ZBTB44: variants seen among roughly 807,000 people sequenced by gnomAD.
The protein encoded by ZBTB44 is zinc finger and BTB domain-containing protein 44.
In ZBTB44, 15 loss-of-function variants were observed where a neutral mutation model predicts 54.0. The observed-to-expected ratio is 0.28, with a 90% CI of 0.19 to 0.43. The LOEUF (loss-of-function observed/expected upper bound fraction) is 0.43. Ranked by LOEUF, ZBTB44 falls within the 20% of genes least tolerant of loss-of-function variation. The pLI is 1.00. For synonymous variants in ZBTB44, 230 were observed against 250.1 expected (o/e 0.92, Z 0.76); for missense variants, 487 against 707.1 (o/e 0.69, Z 3.53).
chr11:130,265,710 A>C lies in ZBTB44; in HGVS notation c.-56-3781T>G, dbSNP rs562896578. On this transcript the variant is annotated intron_variant, in intron 1 of 7. Coordinates refer to ENST00000357899, the MANE Select transcript of ZBTB44 (RefSeq NM_001301098.2). ...TGCAGAAAGTTTGCCTGGTGTGCAC[A>C]GAAGATGAAACCAACCACAATATTC... Among the ~76,000 whole-genome samples, 132 of 152,356 alleles carry C rather than the reference A, an allele frequency of 8.7e-4. No individual in the cohort carries two copies. In the Middle Eastern group the frequency reaches 0.01, roughly 12 times the overall value.
intron 1 of ZBTB44, among the ~76,000 whole-genome samples, chr11:130,276,563 T>C (rs956285244): frequency 4.0e-5 from 6 of 151,680 alleles, no homozygotes; most frequent in African/African-American, 1.2e-4. Flanking sequence ...GCCTCTCGAG[T>C]AGCTGGGATT....
In ZBTB44 at chr11:130,264,809, T is replaced by C. The variant is rs190725653; in HGVS notation, c.-56-2880A>G. ...CTTCTTGCACTTTGCTTTATTAAAC[T>C]TTGCAAATATTGTGTTTTTTACAAA... On this transcript the variant is annotated intron_variant, in intron 1 of 7. Coordinates refer to ENST00000357899, the MANE Select transcript of ZBTB44 (RefSeq NM_001301098.2). Among the ~76,000 whole-genome samples, 5 of 152,336 alleles carry C rather than the reference T, an allele frequency of 3.3e-5. 1 individual carries two copies. In the East Asian group the frequency reaches 9.6e-4, roughly 29 times the overall value.
At chr11:130,281,169 T>C (rs1267871775) in intron 1 of ZBTB44, among the ~76,000 whole-genome samples, 1 of 152,174 alleles carries the variant, frequency 6.6e-6, no homozygotes, top group Non-Finnish European at 1.5e-5. Flanking sequence ...CTTAAATGAT[T>C]ATAATTAGAA....
intron 2 of ZBTB44, among the ~76,000 whole-genome samples, chr11:130,255,672 G>A (rs1373974200): frequency 1.3e-5 from 2 of 151,774 alleles, no homozygotes; most frequent in Non-Finnish European, 2.9e-5. Flanking sequence ...ATAAAGAAGA[G>A]AGAGAATAAT....
intron 2 of ZBTB44, among the ~76,000 whole-genome samples, chr11:130,240,418 T>G (rs953224425): frequency 6.6e-6 from 1 of 152,200 alleles, no homozygotes; most frequent in African/African-American, 2.4e-5. Flanking sequence ...CTATTTAAGT[T>G]CTTTTAGAAA....
At chr11:130,292,663 C>A (rs535692390) in intron 1 of ZBTB44, among the ~76,000 whole-genome samples, 2 of 152,126 alleles carry the variant, frequency 1.3e-5, no homozygotes, top group East Asian at 1.9e-4. Flanking sequence ...AAATGATAAA[C>A]AAAACATATA....
chr11:130,271,329 C>T (rs1939655042), intron 1 of ZBTB44, among the ~76,000 whole-genome samples: 1 of 152,138 alleles, frequency 6.6e-6, no homozygotes, highest in Admixed American at 6.5e-5. Flanking sequence ...TTCCATTTCT[C>T]ATCTCAAAAA....
At chr11:130,296,217 G>T in intron 1 of ZBTB44, 1 of 1,299,222 alleles carries the variant, frequency 7.7e-7, no homozygotes. Context: ...TAGTGTTGAT[G>T]ATGATAAAGC....
Position 130,261,565 on chromosome 11 carries a change from A to T in ZBTB44, c.309T>A (p.Asp103Glu). ...GCATATAGCTGGCTGCTGCTAGAAC[A>T]TCAATAATATTTTCTGTGTTAATTG... ...TLSINTENII[D>E]VLAAASYMQM... The change falls in exon 2 of 8, where the codon GAT becomes GAA. Residue 103 changes from aspartate to glutamate, a missense_variant. This residue lies in a region of ZBTB44 where 90 missense variants were observed against 160.3 expected (regional missense o/e 0.56). Coordinates refer to ENST00000357899, the MANE Select transcript of ZBTB44 (RefSeq NM_001301098.2). This position sits in a 1 kb window ranked among gnomAD's most constrained non-coding sequence, Gnocchi z 4.8. 1.9e-6 allele frequency: 3 copies of T among 1,614,070 alleles called. No individual in the cohort carries two copies. The highest frequency in any genetic ancestry group is 2.5e-6 in the Non-Finnish European group (3 of 1,179,904).
intron 1 of ZBTB44, among the ~76,000 whole-genome samples, chr11:130,277,194 T>C (rs1940169438): frequency 6.6e-6 from 1 of 152,248 alleles, no homozygotes; most frequent in South Asian, 2.1e-4. Context: ...TTTGTTCCTC[T>C]ACTATTCCTT....
chr11:130,251,687 G>A (rs1464176243), intron 2 of ZBTB44, among the ~76,000 whole-genome samples: 1 of 152,130 alleles, frequency 6.6e-6, no homozygotes, highest in African/African-American at 2.4e-5. Flanking sequence ...TTTCATAAGT[G>A]AGAAATAAAA....
At chr11:130,274,156 T>C (rs1019695623) in intron 1 of ZBTB44, among the ~76,000 whole-genome samples, 15 of 150,658 alleles carry the variant, frequency 1.0e-4, no homozygotes, top group African/African-American at 3.5e-4. Context: ...ATGTTATTAG[T>C]TGAACATTCC....
In ZBTB44 at chr11:130,313,594, C is replaced by G. The variant is rs573530759; in HGVS notation, c.-57+781G>C. Among the ~76,000 whole-genome samples, 14 of 152,240 alleles carry G rather than the reference C, an allele frequency of 9.2e-5. 1 individual carries two copies. In the South Asian group the frequency reaches 2.9e-3, roughly 32 times the overall value. On this transcript the variant is annotated intron_variant, in intron 1 of 7. Coordinates refer to ENST00000357899, the MANE Select transcript of ZBTB44 (RefSeq NM_001301098.2). ...CGTGCAGCTTGCTTCCGGTATCAGC[C>G]GATCTCCAAATAAAGCATTAAGAAA...
In ZBTB44 at chr11:130,229,836, C is replaced by A. The variant is rs1027784249; in HGVS notation, c.*1928G>T. On this transcript the variant is annotated 3_prime_UTR_variant, in exon 8 of 8. Coordinates refer to ENST00000357899, the MANE Select transcript of ZBTB44 (RefSeq NM_001301098.2). ...ACTACATTTATTTATTACCTTCTGGCAACTTTGGGTCTGTTTCTTCTAACT... is the reference window on the plus strand; with the variant it reads ...ACTACATTTATTTATTACCTTCTGGAAACTTTGGGTCTGTTTCTTCTAACT... 2 of 152,094 alleles carry A rather than the reference C, an allele frequency of 1.3e-5. No homozygotes were observed. The highest frequency in any genetic ancestry group is 2.4e-5 in the African/African-American group (1 of 41,444). 9.4% of individuals were successfully genotyped at this position (152,094 alleles called of 1,614,324 possible). A position where few individuals can be genotyped will look rare whatever the true frequency, so the allele number is the denominator to read the frequency against.
At chr11:130,234,968 T>G (rs7944244) in intron 5 of ZBTB44, among the ~76,000 whole-genome samples, 9,531 of 152,134 alleles carry the variant, frequency 0.063, 742 homozygotes, top group African/African-American at 0.18. Context: ...AAATAGAAAA[T>G]ATTTTAAATT....
chr11:130,235,811 G>T (rs1954083345), intron 5 of ZBTB44, among the ~76,000 whole-genome samples: 1 of 152,042 alleles, frequency 6.6e-6, no homozygotes, highest in Non-Finnish European at 1.5e-5. Flanking sequence ...AGATCAGACT[G>T]GCCAACATGG....
intron 2 of ZBTB44, among the ~76,000 whole-genome samples, chr11:130,254,351 A>G (rs1445154218): frequency 6.6e-6 from 1 of 152,154 alleles, no homozygotes; most frequent in Admixed American, 6.5e-5. Flanking sequence ...GAATCTACAA[A>G]GAACTCAAAC....
At chr11:130,276,242 A>AAAAAAAATAAAAG (rs59112840) in intron 1 of ZBTB44, among the ~76,000 whole-genome samples, 1 of 94,420 alleles carries the variant, frequency 1.1e-5, no homozygotes, top group Non-Finnish European at 2.1e-5. Context: ...CAAAAAAAAA[A>AAAAAAAATAAAAG]AAAAGAAAAA....
rs575508215 is a variant in ZBTB44 at position 130,243,234 on chromosome 11, A to AT, written c.1019-3339dup. 3.0e-3 allele frequency among the ~76,000 whole-genome samples: 456 copies of AT among 149,954 alleles called. 6 individuals carry two copies. Among genetic ancestry groups the AT allele is most frequent in the African/African-American group, 9.1e-3 (374 of 40,964 alleles). On this transcript the variant is annotated intron_variant, in intron 2 of 7. Transcript: ENST00000357899. ...TATTTCTGCTGCATTTAAAAAACAC[A>AT]TTTTTTTTTTCCTGTTGGTTCTCTC...
Sources: gnomAD v4.1 joint callset for allele counts (sites outside exome capture counted in the v4.1 genomes callset) on GRCh38, gnomAD v4.1.1 for gene constraint, gnomAD v4.1.1 regional missense constraint, Gnocchi (gnomAD v3.1) non-coding constraint, MANE v1.5 for transcripts, NCBI Gene and HGNC (gene_info 2026-07-23, HGNC 2026-07-21) for gene names.